GOLGA3: variants seen among roughly 807,000 people sequenced by gnomAD.
The protein encoded by GOLGA3 is golgin A3, also known as golgin subfamily A member 3.
In GOLGA3, 75 loss-of-function variants were observed where a neutral mutation model predicts 169.4. That is an observed-to-expected ratio of 0.44 (90% CI 0.37 to 0.54). The LOEUF (loss-of-function observed/expected upper bound fraction) is 0.54. GOLGA3 is among the 20% of genes least tolerant of loss of function. The probability of loss-of-function intolerance (pLI) is 0.00; values close to 1 mark genes in which losing one functional copy is unlikely to be tolerated. For synonymous variants in GOLGA3, 824 were observed against 822.4 expected (o/e 1.00, Z -0.03); for missense variants, 1,899 against 1,930.0 (o/e 0.98, Z 0.30).
chr12:132,808,639 T>C (rs1449314416), intron 4 of GOLGA3, 90 bp from the exon 5 acceptor site: 8 of 1,011,572 alleles, frequency 7.9e-6, no homozygotes, highest in South Asian at 1.5e-5. Flanking sequence ...CACCGATCAC[T>C]ACTCCCTCCG....
intron 8 of GOLGA3, among the ~76,000 whole-genome samples, chr12:132,800,289 T>A (rs1487147252): frequency 1.3e-5 from 2 of 151,792 alleles, no homozygotes; most frequent in African/African-American, 4.8e-5. Context: ...AGGTCAAGAG[T>A]TCAAGACGAG....
Position 132,804,518 on chromosome 12 carries a change from A to ACCAGTCAGGGAAGGAGGGCGTGGCGG in GOLGA3, c.1597+197_1597+198insCCGCCACGCCCTCCTTCCCTGACTGG, listed in dbSNP as rs1566116211. On this transcript the variant is annotated intron_variant, in intron 7 of 23. Transcript: ENST00000450791. This position sits in a 1 kb window ranked among gnomAD's most constrained non-coding sequence, Gnocchi z 4.1. ...CAGCACCAGGGAGGAGGGCGTGGCGAGGACCAGTCAGGGAAGGAGGGCGTG... is the reference window on the plus strand; with the variant it reads ...CAGCACCAGGGAGGAGGGCGTGGCGACCAGTCAGGGAAGGAGGGCGTGGCGGGGACCAGTCAGGGAAGGAGGGCGTG... Among the ~76,000 whole-genome samples the ACCAGTCAGGGAAGGAGGGCGTGGCGG allele has an allele frequency of 6.6e-6, 1 of 151,364 alleles. No homozygotes were observed. Among genetic ancestry groups the ACCAGTCAGGGAAGGAGGGCGTGGCGG allele is most frequent in the African/African-American group, 2.4e-5 (1 of 41,238 alleles).
chr12:132,782,652 G>T (rs1459002724), intron 16 of GOLGA3, among the ~76,000 whole-genome samples, 159 bp from the exon 17 acceptor site: 2 of 152,104 alleles, frequency 1.3e-5, no homozygotes, highest in Non-Finnish European at 2.9e-5. Context: ...CGAGGCAGGG[G>T]GATCACCTGA....
intron 7 of GOLGA3, among the ~76,000 whole-genome samples, chr12:132,802,383 ATGGGGGGTGCAGG>A (rs1949169936): frequency 5.5e-5 from 2 of 36,316 alleles, no homozygotes; most frequent in East Asian, 1.5e-3. Context: ...TGCAGGGGGC[ATGGGGGGTGCAGG>A]GGGCACAGGG....
intron 9 of GOLGA3, among the ~76,000 whole-genome samples, chr12:132,797,309 G>A (rs1041094004): frequency 1.3e-5 from 2 of 152,124 alleles, no homozygotes; most frequent in African/African-American, 2.4e-5. Context: ...GATCGGCAAC[G>A]AGACCAGCCC....
chr12:132,816,570 G>A lies in GOLGA3; in HGVS notation c.376C>T (p.Leu126Phe). The A allele has an allele frequency of 1.2e-6, 2 of 1,614,018 alleles. No individual in the cohort carries two copies. Among genetic ancestry groups the A allele is most frequent in the South Asian group, 1.1e-5 (1 of 91,086 alleles). ...TGCGTTTCTTGCATAGGAAGACTGA[G>A]TCTGAGAGACTGCAAAGCTTCTTTT... is the stretch of plus-strand genomic sequence containing the variant. ...VRKEALQSLR[L>F]SLPMQETQLC... Residue 126 changes from leucine (L) to phenylalanine (F), a missense_variant, in exon 3 of 24, where the codon CTC becomes TTC. By Grantham distance (22) the Leu-to-Phe change is conservative. Coordinates refer to ENST00000450791, the MANE Select transcript of GOLGA3 (RefSeq NM_001389683.1).
At chr12:132,782,788 A>G (rs1400401738) in intron 16 of GOLGA3, among the ~76,000 whole-genome samples, 1 of 151,434 alleles carries the variant, frequency 6.6e-6, no homozygotes, top group Non-Finnish European at 1.5e-5. Flanking sequence ...AGGCAGAAGG[A>G]TCGCTTGAAC....
Position 132,804,632 on chromosome 12 carries a change from G to C in GOLGA3, c.1597+84C>G. The C allele has an allele frequency of 8.9e-7, 1 of 1,125,364 alleles. No individual in the cohort carries two copies. Among genetic ancestry groups the C allele is most frequent in the Non-Finnish European group, 1.3e-6 (1 of 764,388 alleles). 69.7% of individuals were successfully genotyped at this position (1,125,364 alleles called of 1,614,324 possible). A position where few individuals can be genotyped will look rare whatever the true frequency, so the allele number is the denominator to read the frequency against. ...AAGGACCAGTCAGGGAAGGAGGAGGGCGTGGCGGGGGCCAGTCGAGGAAGG... is the reference window on the plus strand; with the variant it reads ...AAGGACCAGTCAGGGAAGGAGGAGGCCGTGGCGGGGGCCAGTCGAGGAAGG... On this transcript the variant is annotated intron_variant, in intron 7 of 23. Coordinates refer to ENST00000450791, the MANE Select transcript of GOLGA3 (RefSeq NM_001389683.1). The surrounding 1 kb of genome is among the most constrained non-coding windows in gnomAD (Gnocchi z 4.1).
chr12:132,787,236 G>A (rs1449634917), intron 13 of GOLGA3, among the ~76,000 whole-genome samples: 1 of 152,072 alleles, frequency 6.6e-6, no homozygotes, highest in African/African-American at 2.4e-5. Context: ...ACAGGTGTGA[G>A]CCACTGCACC....
chr12:132,805,305 C>A (rs11147083), intron 6 of GOLGA3, among the ~76,000 whole-genome samples: 13,150 of 65,836 alleles, frequency 0.2, 2,323 homozygotes, highest in East Asian at 0.42. Flanking sequence ...TGCCCCGAGA[C>A]CCCCAGGCGC....
At chr12:132,790,274 C>A (rs1390501603) in intron 12 of GOLGA3, among the ~76,000 whole-genome samples, 2 of 152,174 alleles carry the variant, frequency 1.3e-5, no homozygotes, top group African/African-American at 4.8e-5. Flanking sequence ...GCGGAGCTTG[C>A]AGTGAGCCGA....
intron 12 of GOLGA3, 101 bp downstream of exon 12, chr12:132,791,115 C>A: frequency 3.3e-5 from 10 of 305,152 alleles, no homozygotes; most frequent in Middle Eastern, 1.3e-3. Context: ...ATGTTACCTT[C>A]TTCTCAACTT....
In GOLGA3 at chr12:132,779,476, A is replaced by G. The variant is rs148601801; in HGVS notation, c.3582+1322T>C. On this transcript the variant is annotated intron_variant, in intron 18 of 23. Transcript: ENST00000450791. ...ACCTTTTTCTTTTCATCTCAATTACATTATCATAGAAAAGTTCTTAAAGGT... is the reference window on the plus strand; with the variant it reads ...ACCTTTTTCTTTTCATCTCAATTACGTTATCATAGAAAAGTTCTTAAAGGT... Among the ~76,000 whole-genome samples, 434 of 152,334 alleles carry G rather than the reference A, an allele frequency of 2.8e-3. 1 individual carries two copies. The highest frequency in any genetic ancestry group is 0.01 in the African/African-American group (424 of 41,576).
chr12:132,807,688 TC>T lies in GOLGA3; in HGVS notation c.1178+202del, dbSNP rs200565607. Among the ~76,000 whole-genome samples the T allele has an allele frequency of 1.5e-3, 235 of 152,304 alleles. 4 individuals are homozygous for T. The East Asian group carries it at 0.043, about 28-fold the overall frequency. On this transcript the variant is annotated intron_variant, in intron 5 of 23. Coordinates refer to ENST00000450791, the MANE Select transcript of GOLGA3 (RefSeq NM_001389683.1). ...GGAAGAAAAGCTGTGTATCACCTGTTCCAGTGCGGAGAGCCGTGGGCCCGGG... is the reference window on the plus strand; with the variant it reads ...GGAAGAAAAGCTGTGTATCACCTGTTCAGTGCGGAGAGCCGTGGGCCCGGG...
intron 23 of GOLGA3, 138 bp from the exon 24 acceptor site, chr12:132,773,432 G>GTTGT: frequency 2.2e-6 from 1 of 451,686 alleles, no homozygotes; most frequent in Non-Finnish European, 3.9e-6. Context: ...TGAGACCACA[G>GTTGT]AAGCTCAGCT....
Position 132,804,669 on chromosome 12 carries a change from G to T in GOLGA3, c.1597+47C>A. On this transcript the variant is annotated intron_variant, in intron 7 of 23. Coordinates refer to ENST00000450791, the MANE Select transcript of GOLGA3 (RefSeq NM_001389683.1). The surrounding 1 kb of genome is among the most constrained non-coding windows in gnomAD (Gnocchi z 4.1). ...CCAGTCGAGGAAGGAGGAGGGAGCA[G>T]CAGGGACCAGTCAGGGAGGGGAGGG... 2 of 1,483,820 alleles carry T rather than the reference G, an allele frequency of 1.3e-6. No homozygotes were observed. Among genetic ancestry groups the T allele is most frequent in the Non-Finnish European group, 1.9e-6 (2 of 1,076,096 alleles). 91.9% of individuals were successfully genotyped at this position (1,483,820 alleles called of 1,614,324 possible).
chr12:132,775,421 A>G (rs2045173932), intron 21 of GOLGA3, 116 bp from the exon 22 acceptor site: 1 of 866,294 alleles, frequency 1.2e-6, no homozygotes, highest in Non-Finnish European at 1.8e-6. Flanking sequence ...CGCCATCTAG[A>G]TGATGCCAGT....
chr12:132,773,139 T>C lies in GOLGA3; in HGVS notation c.4463A>G (p.Gln1488Arg), dbSNP rs1307729406. The C allele has an allele frequency of 6.3e-7, 1 of 1,587,366 alleles. No individual in the cohort carries two copies. The highest frequency in any genetic ancestry group is 1.1e-5 in the South Asian group (1 of 87,340). Reference sequence around the variant, plus strand: ...CGGCCCTTCTTTGGAAGCCCTGCTCTGACTGTGTCTCTGTGGGTCGCCGCG... The same window carrying C: ...CGGCCCTTCTTTGGAAGCCCTGCTCCGACTGTGTCTCTGTGGGTCGCCGCG... ...GPRGDPQRHS[Q>R]SRASKEGPGE Residue 1488 changes from glutamine to arginine, a missense_variant, in exon 24 of 24, where the codon CAG becomes CGG. Gln to Arg is a conservative substitution (Grantham distance 43). Coordinates refer to ENST00000450791, the MANE Select transcript of GOLGA3 (RefSeq NM_001389683.1).
rs758652059 is a variant in GOLGA3, at chr12:132,822,155, C to T, written c.-27G>A. Reference sequence around the variant, plus strand: ...GTCAGGACGACACCAGCTGAGCTGACGCTGAGGGGCTACAAGTGAACCTTG... The same window carrying T: ...GTCAGGACGACACCAGCTGAGCTGATGCTGAGGGGCTACAAGTGAACCTTG... On this transcript the variant is annotated 5_prime_UTR_variant, in exon 2 of 24. Transcript: ENST00000450791. 63 of 1,584,312 alleles carry T rather than the reference C, an allele frequency of 4.0e-5. No homozygotes were observed. Among genetic ancestry groups the T allele is most frequent in the South Asian group, 1.1e-4 (10 of 87,552 alleles).
Sources: gnomAD v4.1 joint callset for allele counts (sites outside exome capture counted in the v4.1 genomes callset) on GRCh38, gnomAD v4.1.1 for gene constraint, Gnocchi (gnomAD v3.1) non-coding constraint, MANE v1.5 for transcripts, NCBI Gene and HGNC (gene_info 2026-07-23, HGNC 2026-07-21) for gene names.